Variants in CD300LB observed in about 807,000 individuals in gnomAD.
The protein encoded by CD300LB is CMRF35-like molecule 7.
A neutral mutation model predicts 20.8 loss-of-function variants in CD300LB; 18 were observed. That is an observed-to-expected ratio of 0.87 (90% CI 0.60 to 1.28). The LOEUF is 1.28. Among genes scored for constraint, CD300LB ranks in the 50% most tolerant of loss-of-function variants. CD300LB has a pLI of 0.00. For synonymous variants in CD300LB, 91 were observed against 91.3 expected (o/e 1.00, Z 0.02); for missense variants, 222 against 251.8 (o/e 0.88, Z 0.80).
At chr17:74,526,127 T>C in intron 1 of CD300LB, 50 bp from the exon 2 acceptor site, 1 of 1,578,716 alleles carries the variant, frequency 6.3e-7, no homozygotes, top group Non-Finnish European at 8.6e-7. Flanking sequence ...CACGAACCCC[T>C]GCTCTGGGGC....
intron 2 of CD300LB, among the ~76,000 whole-genome samples, chr17:74,524,744 C>T (rs1907980617): frequency 6.6e-6 from 1 of 152,122 alleles, no homozygotes; most frequent in Non-Finnish European, 1.5e-5. Context: ...CTGTAGATCC[C>T]CCACCCAAGA....
chr17:74,527,782 C>T (rs1598128904), intron 1 of CD300LB, among the ~76,000 whole-genome samples: 1 of 152,330 alleles, frequency 6.6e-6, no homozygotes, highest in Non-Finnish European at 1.5e-5. Flanking sequence ...GAAACAGATT[C>T]TCCCCTAGAA....
rs150773470 is a variant in CD300LB at position 74,525,957 on chromosome 17, C to T, written c.161G>A (p.Arg54His). The T allele has an allele frequency of 1.9e-5, 31 of 1,613,980 alleles. No individual in the cohort carries two copies. The Admixed American group carries it at 2.0e-4, about 10-fold the overall frequency. The change falls in exon 2 of 4, where the codon CGC becomes CAC. Residue 54 changes from arginine (R) to histidine (H), a missense_variant. Coordinates refer to ENST00000392621, the MANE Select transcript of CD300LB (RefSeq NM_174892.4). ...TYIKWWCRGV[R>H]WDTCKILIET... ...AATGAGGATCTTGCATGTATCCCAG[C>T]GCACCCCTCGGCACCACCACTTAAT... is the stretch of plus-strand genomic sequence containing the variant.
Position 74,531,453 on chromosome 17 carries a change from T to G in CD300LB, c.-103A>C. 9 of 1,593,112 alleles carry G rather than the reference T, an allele frequency of 5.6e-6. No individual in the cohort carries two copies. The highest frequency in any genetic ancestry group is 7.7e-6 in the Non-Finnish European group (9 of 1,170,250). The stretch of plus-strand genomic sequence containing the variant: ...TCTGCCTGAGCTCTGGCTTGCACCT[T>G]CTGCACATCTAGACCGCCTTTGACT... On this transcript the variant is annotated 5_prime_UTR_variant, in exon 1 of 4. Coordinates refer to ENST00000392621, the MANE Select transcript of CD300LB (RefSeq NM_174892.4).
rs1257193584 is a variant in CD300LB at position 74,523,286 on chromosome 17, GGTA to G, written c.443+290_443+292del. ...CTTGATGTCTTGCACCACAGAGGGT[GGTA>G]TCTTATCTCCCCCTGGCACCCATTA... On this transcript the variant is annotated intron_variant, in intron 3 of 3. Coordinates refer to ENST00000392621, the MANE Select transcript of CD300LB (RefSeq NM_174892.4). 2.4e-5 allele frequency: 13 copies of G among 535,376 alleles called. No individual in the cohort carries two copies. In the East Asian group the frequency reaches 4.0e-4, roughly 16 times the overall value. The allele number at this position is 535,376 out of a possible 1,614,324, so 33.2% of individuals were successfully genotyped here.
Position 74,528,785 on chromosome 17 carries a change from C to T in CD300LB, c.40+2526G>A, listed in dbSNP as rs149341906. ...GCTTAACCTCTGCAAGTATCGCTTC[C>T]TTATTCATAAGACAGTCATGCTACG... On this transcript the variant is annotated intron_variant, in intron 1 of 3. Transcript: ENST00000392621. 6.0e-3 allele frequency among the ~76,000 whole-genome samples: 914 copies of T among 152,300 alleles called. 6 individuals carry two copies. Among genetic ancestry groups the T allele is most frequent in the Non-Finnish European group, 8.5e-3 (580 of 68,016 alleles).
At chr17:74,530,281 T>C (rs1337215788) in intron 1 of CD300LB, among the ~76,000 whole-genome samples, 4 of 152,182 alleles carry the variant, frequency 2.6e-5, no homozygotes, top group Admixed American at 2.0e-4. Flanking sequence ...AAATTCTAGA[T>C]TGTCCCCTAA....
chr17:74,522,535 G>A lies in CD300LB; in HGVS notation c.*203C>T. The A allele has an allele frequency of 7.3e-7, 1 of 1,360,820 alleles. No individual in the cohort carries two copies. The allele number at this position is 1,360,820 out of a possible 1,614,324, so 84.3% of individuals were successfully genotyped here. A position where few individuals can be genotyped will look rare whatever the true frequency, so the allele number is the denominator to read the frequency against. On this transcript the variant is annotated 3_prime_UTR_variant, in exon 4 of 4. Transcript: ENST00000392621. Reference sequence around the variant, plus strand: ...GAGAACAGGTGCTGGCACCCCAGGAGGTGATGGTGGCTCAGGAGAGGACCT... The same window carrying A: ...GAGAACAGGTGCTGGCACCCCAGGAAGTGATGGTGGCTCAGGAGAGGACCT...
intron 1 of CD300LB, among the ~76,000 whole-genome samples, chr17:74,528,062 A>G (rs1035561439): frequency 1.3e-5 from 2 of 151,496 alleles, no homozygotes; most frequent in Non-Finnish European, 2.9e-5. Context: ...ATGCCTGATG[A>G]TGTGTCACTG....
intron 1 of CD300LB, among the ~76,000 whole-genome samples, chr17:74,527,513 T>G (rs774543465): frequency 5.9e-5 from 9 of 152,244 alleles, no homozygotes; most frequent in African/African-American, 2.2e-4. Context: ...GGTAGAATAA[T>G]GTCCCCCATA....
intron 1 of CD300LB, among the ~76,000 whole-genome samples, chr17:74,529,271 G>C (rs2143088733): frequency 6.6e-6 from 1 of 152,212 alleles, no homozygotes; most frequent in South Asian, 2.1e-4. Context: ...GTGGCATCTG[G>C]AGAGGTCTTC....
At chr17:74,523,229 G>T (rs113727222) in intron 3 of CD300LB, 5 of 505,810 alleles carry the variant, frequency 9.9e-6, no homozygotes, top group African/African-American at 9.5e-5. Context: ...GCTAGCTCCA[G>T]GCTGGTAAAT....
chr17:74,522,834 G>C lies in CD300LB; in HGVS notation c.510C>G (p.Leu170=). Residue 170 remains leucine, a synonymous_variant, in exon 4 of 4, where the codon CTC becomes CTG. Coordinates refer to ENST00000392621, the MANE Select transcript of CD300LB (RefSeq NM_174892.4). ...PILLILVTAI[L]WLKGSQRVPE... is the part of the protein sequence containing the mutation. Reference sequence around the variant, plus strand: ...GGACCCTCTGAGACCCCTTCAACCAGAGGATGGCAGTGACCAAGATGAGCA... The same window carrying C: ...GGACCCTCTGAGACCCCTTCAACCACAGGATGGCAGTGACCAAGATGAGCA... The C allele has an allele frequency of 6.2e-7, 1 of 1,614,122 alleles. No homozygotes were observed. The highest frequency in any genetic ancestry group is 8.5e-7 in the Non-Finnish European group (1 of 1,180,022).
At chr17:74,530,188 G>A (rs1908160935) in intron 1 of CD300LB, among the ~76,000 whole-genome samples, 1 of 152,158 alleles carries the variant, frequency 6.6e-6, no homozygotes, top group South Asian at 2.1e-4. Flanking sequence ...TCCCTCCGTG[G>A]ACTGCTCTAT....
chr17:74,524,036 T>C (rs1163616198), intron 2 of CD300LB, among the ~76,000 whole-genome samples: 1 of 152,156 alleles, frequency 6.6e-6, no homozygotes, highest in Non-Finnish European at 1.5e-5. Context: ...GAGAAGATTC[T>C]GGAAATGGGC....
chr17:74,521,569 G>C lies in CD300LB; in HGVS notation c.*1169C>G. Reference sequence around the variant, plus strand: ...TTGGCTGAAGGACAAGAAGAGGGGAGGCTCTGGGTGCCATGCTAGGGACCA... The same window carrying C: ...TTGGCTGAAGGACAAGAAGAGGGGACGCTCTGGGTGCCATGCTAGGGACCA... On this transcript the variant is annotated 3_prime_UTR_variant, in exon 4 of 4. Coordinates refer to ENST00000392621, the MANE Select transcript of CD300LB (RefSeq NM_174892.4). 1.0e-6 allele frequency: 1 copy of C among 985,496 alleles called. No homozygotes were observed. The highest frequency in any genetic ancestry group is 1.2e-6 in the Non-Finnish European group (1 of 829,962). 61.0% of individuals were successfully genotyped at this position (985,496 alleles called of 1,614,324 possible). A position where few individuals can be genotyped will look rare whatever the true frequency, so the allele number is the denominator to read the frequency against.
In CD300LB at chr17:74,522,618, C is replaced by A. The variant is rs1049847294; in HGVS notation, c.*120G>T. The A allele has an allele frequency of 2.0e-6, 3 of 1,518,046 alleles. No individual in the cohort carries two copies. In the South Asian group the frequency reaches 3.9e-5, roughly 20 times the overall value. 94.0% of individuals were successfully genotyped at this position (1,518,046 alleles called of 1,614,324 possible). The stretch of plus-strand genomic sequence containing the variant: ...GTGCCCACCAGCTCCAAGGCCAGGG[C>A]GGAGGCCCAGGGCCCCTATCTCAGT... On this transcript the variant is annotated 3_prime_UTR_variant, in exon 4 of 4. Transcript: ENST00000392621.
chr17:74,530,732 C>G (rs1164789078), intron 1 of CD300LB, among the ~76,000 whole-genome samples: 3 of 152,162 alleles, frequency 2.0e-5, no homozygotes, highest in African/African-American at 7.2e-5. Context: ...ACGCCTCCAC[C>G]AATGCCTTAT....
chr17:74,528,683 G>A (rs543561226), intron 1 of CD300LB, among the ~76,000 whole-genome samples: 67 of 152,112 alleles, frequency 4.4e-4, no homozygotes, highest in African/African-American at 1.5e-3. Flanking sequence ...CACAAGGACA[G>A]CATGACATCA....
Sources: gnomAD v4.1 joint callset for allele counts (sites outside exome capture counted in the v4.1 genomes callset) on GRCh38, gnomAD v4.1.1 for gene constraint, MANE v1.5 for transcripts, NCBI Gene and HGNC (gene_info 2026-07-23, HGNC 2026-07-21) for gene names.